THRB: variants seen among roughly 807,000 people sequenced by gnomAD.
The protein encoded by THRB is nuclear receptor subfamily 1 group A member 2.
THRB carries 12 observed loss-of-function variants against 47.8 expected under a neutral mutation model. The ratio of observed to expected loss-of-function variants is 0.25; its 90% CI spans 0.16 to 0.41. THRB has a LOEUF of 0.41. Among genes scored for constraint, THRB ranks in the 10% least tolerant of loss-of-function variants. The pLI, the probability that THRB is intolerant of heterozygous loss-of-function variation, is 1.00. For missense variants in THRB, 348 were observed against 589.2 expected, an observed-to-expected ratio of 0.59 and a Z score of 4.24; for synonymous variants, 218 against 212.2, an observed-to-expected ratio of 1.03 and a Z score of -0.24.
intron 8 of THRB, among the ~76,000 whole-genome samples, chr3:24,137,774 G>A (rs1275626977): frequency 2.0e-5 from 3 of 152,168 alleles, no homozygotes; most frequent in Non-Finnish European, 4.4e-5. Context: ...TGACACGATG[G>A]TTACTGCATG....
chr3:24,188,858 AATATAT>A lies in THRB; in HGVS notation c.283+1210_283+1215del, dbSNP rs34740399. Among the ~76,000 whole-genome samples, 48 of 94,298 alleles carry A rather than the reference AATATAT, an allele frequency of 5.1e-4. 4 individuals carry two copies. Among genetic ancestry groups the A allele is most frequent in the African/African-American group, 2.2e-3 (35 of 16,242 alleles). The allele number at this position is 94,298 out of a possible 152,430, so 61.9% of individuals were successfully genotyped here. A position where few individuals can be genotyped will look rare whatever the true frequency, so the allele number is the denominator to read the frequency against. On this transcript the variant is annotated intron_variant, in intron 5 of 10. Transcript: ENST00000646209. The stretch of plus-strand genomic sequence containing the variant: ...CCTTTCAATTTCTCAGATCTCCTCA[AATATAT>A]ATATATATATATATATATATGAGAG...
chr3:24,156,442 A>C (rs1194601002), intron 5 of THRB, among the ~76,000 whole-genome samples: 3 of 152,212 alleles, frequency 2.0e-5, no homozygotes, highest in Admixed American at 2.0e-4. Flanking sequence ...TCTAAAATAT[A>C]AGGTGCTGCC....
At chr3:24,305,234 A>T (rs2057253421) in intron 2 of THRB, among the ~76,000 whole-genome samples, 1 of 152,208 alleles carries the variant, frequency 6.6e-6, no homozygotes, top group East Asian at 1.9e-4. Flanking sequence ...AAGGCAGATT[A>T]TCTGTCCTCC....
intron 1 of THRB, among the ~76,000 whole-genome samples, chr3:24,394,054 T>C (rs1461918059): frequency 6.6e-6 from 1 of 152,130 alleles, no homozygotes; most frequent in Non-Finnish European, 1.5e-5. Flanking sequence ...TATTTCTATA[T>C]CATAGAAAGG....
chr3:24,183,066 G>C (rs1381112195), intron 5 of THRB, among the ~76,000 whole-genome samples: 1 of 151,798 alleles, frequency 6.6e-6, no homozygotes, highest in Non-Finnish European at 1.5e-5. Flanking sequence ...AAAAGAGTCT[G>C]AGAAAAAAAA....
At chr3:24,261,749 A>G (rs1193677814) in intron 3 of THRB, among the ~76,000 whole-genome samples, 1 of 152,150 alleles carries the variant, frequency 6.6e-6, no homozygotes, top group Non-Finnish European at 1.5e-5. Flanking sequence ...CTTGGAACTC[A>G]TTTTATTAGA....
At chr3:24,360,704 T>C (rs2063999266) in intron 1 of THRB, among the ~76,000 whole-genome samples, 1 of 152,148 alleles carries the variant, frequency 6.6e-6, no homozygotes, top group Admixed American at 6.6e-5. Context: ...TAAGAACCAT[T>C]GTTTTATATA....
At chr3:24,266,021 C>T (rs1378444133) in intron 3 of THRB, among the ~76,000 whole-genome samples, 2 of 152,114 alleles carry the variant, frequency 1.3e-5, no homozygotes, top group African/African-American at 2.4e-5. Context: ...ATTTCACAGT[C>T]ATAATAATGA....
At chr3:24,368,525 T>C (rs530734888) in intron 1 of THRB, among the ~76,000 whole-genome samples, 4 of 152,340 alleles carry the variant, frequency 2.6e-5, no homozygotes, top group African/African-American at 7.2e-5. Context: ...AAAGAGGAGA[T>C]GGAAAGGTTG....
At chr3:24,228,352 C>G (rs1269623121) in intron 4 of THRB, among the ~76,000 whole-genome samples, 1 of 152,120 alleles carries the variant, frequency 6.6e-6, no homozygotes, top group Non-Finnish European at 1.5e-5. Flanking sequence ...CTTACATGAC[C>G]TAATCATATT....
intron 1 of THRB, among the ~76,000 whole-genome samples, chr3:24,423,016 T>C (rs1270576841): frequency 6.6e-6 from 1 of 151,832 alleles, no homozygotes; most frequent in Non-Finnish European, 1.5e-5. Context: ...AAGGGCTGAC[T>C]AACCTAAAAC....
intron 1 of THRB, among the ~76,000 whole-genome samples, chr3:24,386,119 T>C (rs2066082894): frequency 6.6e-6 from 1 of 152,152 alleles, no homozygotes; most frequent in African/African-American, 2.4e-5. Context: ...CCAGAGTCTC[T>C]TCTAGACAGA....
intron 5 of THRB, among the ~76,000 whole-genome samples, chr3:24,171,538 G>A (rs538363474): frequency 1.3e-5 from 2 of 152,254 alleles, no homozygotes; most frequent in South Asian, 2.1e-4. Context: ...AATCCCAAGG[G>A]GATGAAGTGA....
At chr3:24,280,113 A>G (rs1369696012) in intron 3 of THRB, among the ~76,000 whole-genome samples, 1 of 152,200 alleles carries the variant, frequency 6.6e-6, no homozygotes, top group African/African-American at 2.4e-5. Context: ...AGGAGCCAAG[A>G]TGGCCAAATA....
chr3:24,168,220 T>A (rs2039909614), intron 5 of THRB, among the ~76,000 whole-genome samples: 4 of 152,110 alleles, frequency 2.6e-5, no homozygotes, highest in Admixed American at 1.3e-4. Flanking sequence ...GAATTTGAAA[T>A]ATGGCCCCTC....
At position 24,121,702 on chromosome 3, in the gene THRB, T is replaced by A. The variant is rs939384467; in HGVS notation, c.*1182A>T. On this transcript the variant is annotated 3_prime_UTR_variant, in exon 11 of 11. Transcript: ENST00000646209. ...AGGGCCAGTCTCTGTTTAGAGATAGTCAAGCTATTTAGTTCCTCAGAGTCA... is the reference window on the plus strand; with the variant it reads ...AGGGCCAGTCTCTGTTTAGAGATAGACAAGCTATTTAGTTCCTCAGAGTCA... 6.6e-6 allele frequency: 1 copy of A among 152,150 alleles called. No homozygotes were observed. Among genetic ancestry groups the A allele is most frequent in the African/African-American group, 2.4e-5 (1 of 41,372 alleles). 9.4% of individuals were successfully genotyped at this position (152,150 alleles called of 1,614,324 possible).
At chr3:24,492,036 G>A (rs1283456513) in intron 1 of THRB, among the ~76,000 whole-genome samples, 1 of 152,224 alleles carries the variant, frequency 6.6e-6, no homozygotes, top group Non-Finnish European at 1.5e-5. Flanking sequence ...ATATAAGCAT[G>A]GAATGTGTGC....
chr3:24,407,870 T>G lies in THRB; in HGVS notation c.-260-70499A>C, dbSNP rs533908938. Among the ~76,000 whole-genome samples the G allele has an allele frequency of 2.0e-5, 3 of 152,010 alleles. No homozygotes were observed. The South Asian group carries it at 6.2e-4, about 31-fold the overall frequency. On this transcript the variant is annotated intron_variant, in intron 1 of 10. Coordinates refer to ENST00000646209, the MANE Select transcript of THRB (RefSeq NM_001354712.2). ...TCTCATCTTTGGTGAAATTTGCTAG[T>G]GACGATCAACTGCTCTATCTTGAGC... is the stretch of plus-strand genomic sequence containing the variant.
intron 3 of THRB, among the ~76,000 whole-genome samples, chr3:24,277,428 A>G (rs1238886279): frequency 1.1e-4 from 16 of 152,196 alleles, no homozygotes; most frequent in Admixed American, 1.0e-3. Context: ...GAGCTTGTAG[A>G]AACCCACGTC....
Sources: allele counts gnomAD v4.1 joint callset (sites outside exome capture counted in the v4.1 genomes callset), GRCh38; gene constraint gnomAD v4.1.1; transcripts MANE v1.5; gene names NCBI Gene and HGNC (gene_info 2026-07-23, HGNC 2026-07-21).